Variants in FCN3 observed in about 807,000 individuals in gnomAD.
FCN3 encodes ficolin 3, also known as ficolin-3.
FCN3 carries 28 observed loss-of-function variants against 31.5 expected under a neutral mutation model. The observed-to-expected ratio is 0.89, with a 90% confidence interval of 0.66 to 1.22. The LOEUF (loss-of-function observed/expected upper bound fraction) is 1.22, where lower values mean the gene tolerates loss of function less well. Among genes scored for constraint, FCN3 ranks in the 50% most tolerant of loss-of-function variants. FCN3 has a pLI of 0.00. For missense variants in FCN3, 351 were observed against 386.8 expected (o/e 0.91, Z 0.78); for synonymous variants, 124 against 147.4 (o/e 0.84, Z 1.15).
At chr1:27,373,077 G>A in intron 5 of FCN3, 59 bp downstream of exon 5, 5 of 1,582,120 alleles carry the variant, frequency 3.2e-6, no homozygotes, top group Non-Finnish European at 2.6e-6. Context: ...TCCCCTAGGG[G>A]CCAAGGGGGA....
chr1:27,374,717 T>C lies in FCN3; in HGVS notation c.91+11A>G. Reference sequence around the variant, plus strand: ...GAGTGGGTTGGTGAGGAGGGCACCCTAGGTGCCCACCTGGGCAGCTGGGGT... The same window carrying C: ...GAGTGGGTTGGTGAGGAGGGCACCCCAGGTGCCCACCTGGGCAGCTGGGGT... On this transcript the variant is annotated intron_variant, in intron 1 of 7. Transcript: ENST00000270879. The C allele has an allele frequency of 7.2e-7, 1 of 1,392,216 alleles. No homozygotes were observed. The highest frequency in any genetic ancestry group is 9.4e-7 in the Non-Finnish European group (1 of 1,060,774). 86.2% of individuals were successfully genotyped at this position (1,392,216 alleles called of 1,614,324 possible).
At chr1:27,374,173 G>T in intron 2 of FCN3, 164 bp from the exon 3 acceptor site, 1 of 735,014 alleles carries the variant, frequency 1.4e-6, no homozygotes, top group Non-Finnish European at 2.3e-6. Flanking sequence ...TTCCTCCTCA[G>T]CAGAATGGGG....
rs780943252 is a variant in FCN3, at chr1:27,370,590, A to C, written c.658+6T>G. The C allele has an allele frequency of 3.1e-6, 5 of 1,613,210 alleles. No individual in the cohort carries two copies. In the Admixed American group the frequency reaches 8.3e-5, roughly 27 times the overall value. On this transcript the variant is annotated splice_donor_region_variant and intron_variant, in intron 7 of 7. Coordinates refer to ENST00000270879, the MANE Select transcript of FCN3 (RefSeq NM_003665.4). ...TCCTTCCTCTGCTCCCCTTAGGCTC[A>C]CTCACCTGCAGTGCCCTCTGAGAAC...
chr1:27,374,137 A>G, intron 2 of FCN3, 128 bp from the exon 3 acceptor site: 1 of 869,188 alleles, frequency 1.2e-6, no homozygotes, highest in South Asian at 1.6e-5. Flanking sequence ...TTGCGGGCAA[A>G]TATCTTATCC....
At chr1:27,370,461 C>T in intron 7 of FCN3, 135 bp downstream of exon 7, 2 of 758,084 alleles carry the variant, frequency 2.6e-6, no homozygotes, top group Non-Finnish European at 4.3e-6. Flanking sequence ...CATCCTGTTT[C>T]ATGATTGCCA....
intron 7 of FCN3, 68 bp downstream of exon 7, chr1:27,370,528 C>A: frequency 7.1e-7 from 1 of 1,406,850 alleles, no homozygotes; most frequent in Non-Finnish European, 1.0e-6. Flanking sequence ...CTGGGTCATT[C>A]ATGGGGGCAG....
Position 27,369,267 on chromosome 1 carries a change from G to C in FCN3, c.869C>G (p.Pro290Arg). Residue 290 changes from proline (P) to arginine (R), a missense_variant, in exon 8 of 8, where the codon CCC becomes CGC. Transcript: ENST00000270879. ...DWASGRGVGHPYRRVRMMLR is the reference protein window; with the variant it reads ...DWASGRGVGHRYRRVRMMLR ...AAGCATCATCCGAACCCTGCGGTAG[G>C]GGTGGCCCACACCACGGCCTGAGGC... 1 of 1,614,230 alleles carries C rather than the reference G, an allele frequency of 6.2e-7. No individual in the cohort carries two copies. Among genetic ancestry groups the C allele is most frequent in the Admixed American group, 1.7e-5 (1 of 60,030 alleles).
At chr1:27,371,862 C>A (rs1345888521) in intron 5 of FCN3, among the ~76,000 whole-genome samples, 2 of 151,982 alleles carry the variant, frequency 1.3e-5, no homozygotes, top group Admixed American at 6.5e-5. Flanking sequence ...CTGGTTCAAG[C>A]AATTCTCGTG....
In FCN3 at chr1:27,370,571, C is replaced by T. The variant is rs1043932561; in HGVS notation, c.658+25G>A. On this transcript the variant is annotated intron_variant, in intron 7 of 7. Transcript: ENST00000270879. The stretch of plus-strand genomic sequence containing the variant: ...ACTGGGAAAGGATCCAGCCTCCTTC[C>T]TCTGCTCCCCTTAGGCTCACTCACC... The T allele has an allele frequency of 1.9e-6, 3 of 1,606,162 alleles. No homozygotes were observed. In the African/African-American group the frequency reaches 4.0e-5, roughly 21 times the overall value.
chr1:27,370,048 C>T (rs1292656350), intron 7 of FCN3, among the ~76,000 whole-genome samples: 1 of 151,670 alleles, frequency 6.6e-6, no homozygotes, highest in East Asian at 1.9e-4. Context: ...GCTCTGTCGC[C>T]CAGGCTAGAG....
intron 7 of FCN3, among the ~76,000 whole-genome samples, chr1:27,370,183 ATT>A (rs2016117316): frequency 1.3e-5 from 2 of 151,676 alleles, no homozygotes; most frequent in Non-Finnish European, 2.9e-5. Context: ...ATTTTTTTGT[ATT>A]TTTAGTAGAG....
chr1:27,369,445 A>C lies in FCN3; in HGVS notation c.691T>G (p.Phe231Val), dbSNP rs747603248. The part of the protein sequence containing the change: ...DSLSLHSGRP[F>V]TTYDADHDSS... ...TCGTGGTCAGCGTCATAGGTGGTAA[A>C]GGGCCTCCCACTGTGGAGGCTCAGG... Residue 231 changes from phenylalanine (F) to valine (V), a missense_variant, in exon 8 of 8, where the codon TTT becomes GTT. Coordinates refer to ENST00000270879, the MANE Select transcript of FCN3 (RefSeq NM_003665.4). The C allele has an allele frequency of 1.2e-6, 2 of 1,614,172 alleles. No individual in the cohort carries two copies. Among genetic ancestry groups the C allele is most frequent in the East Asian group, 2.2e-5 (1 of 44,888 alleles).
intron 5 of FCN3, among the ~76,000 whole-genome samples, chr1:27,371,181 C>G (rs2016139108): frequency 6.6e-6 from 1 of 152,214 alleles, no homozygotes; most frequent in African/African-American, 2.4e-5. Context: ...CATGCCACAG[C>G]CTTGCAAGCC....
chr1:27,370,104 T>C (rs930784410), intron 7 of FCN3, among the ~76,000 whole-genome samples: 1 of 151,900 alleles, frequency 6.6e-6, no homozygotes, highest in Non-Finnish European at 1.5e-5. Context: ...CCTCCCAGAT[T>C]TAAGTGATTC....
chr1:27,372,771 C>CTCTT (rs1227181271), intron 5 of FCN3, among the ~76,000 whole-genome samples: 1 of 59,892 alleles, frequency 1.7e-5, no homozygotes, highest in African/African-American at 4.3e-5. Context: ...CCTCCCTACC[C>CTCTT]TATTTTTTTT....
At chr1:27,372,237 G>C (rs2016159812) in intron 5 of FCN3, among the ~76,000 whole-genome samples, 1 of 148,402 alleles carries the variant, frequency 6.7e-6, no homozygotes, top group South Asian at 2.1e-4. Flanking sequence ...CCATTGCCCT[G>C]CACACTCTTC....
chr1:27,373,641 C>A, intron 3 of FCN3, 121 bp from the exon 4 acceptor site: 1 of 1,050,172 alleles, frequency 9.5e-7, no homozygotes, highest in Non-Finnish European at 1.4e-6. Flanking sequence ...GCCTTCCATA[C>A]CCTGTAGGAG....
chr1:27,373,325 C>A lies in FCN3; in HGVS notation c.266-62G>T, dbSNP rs775795866. 294 of 1,608,994 alleles carry A rather than the reference C, an allele frequency of 1.8e-4. 2 individuals are homozygous for A. The highest frequency in any genetic ancestry group is 2.3e-4 in the Non-Finnish European group (274 of 1,176,718). On this transcript the variant is annotated intron_variant, in intron 4 of 7. Transcript: ENST00000270879. ...TTATTCCCTGACCCCCACCCCCAGG[C>A]ACTGGAACAAGTGTGGGACCCTAGG...
chr1:27,371,570 C>T (rs557528362), intron 5 of FCN3, among the ~76,000 whole-genome samples: 4 of 151,904 alleles, frequency 2.6e-5, no homozygotes, highest in Non-Finnish European at 4.4e-5. Context: ...AGCAAGACTC[C>T]GTCTCAAAAC....
Sources: allele counts gnomAD v4.1 joint callset (sites outside exome capture counted in the v4.1 genomes callset), GRCh38; gene constraint gnomAD v4.1.1; transcripts MANE v1.5; gene names NCBI Gene and HGNC (gene_info 2026-07-23, HGNC 2026-07-21).